PCDHGA10: variants seen among roughly 807,000 people sequenced by gnomAD.
PCDHGA10 encodes the protein protocadherin gamma subfamily A, 10.
In PCDHGA10, 42 loss-of-function variants were observed where a neutral mutation model predicts 59.5. The observed-to-expected ratio is 0.71, with a 90% CI of 0.55 to 0.91. The LOEUF (loss-of-function observed/expected upper bound fraction) is 0.91, where lower values mean the gene tolerates loss of function less well. Ranked by LOEUF, PCDHGA10 falls within the 40% of genes least tolerant of loss-of-function variation. The probability of loss-of-function intolerance (pLI) is 0.00; values close to 1 mark genes in which losing one functional copy is unlikely to be tolerated. For synonymous variants in PCDHGA10, 511 were observed against 517.2 expected (o/e 0.99, Z 0.16); for missense variants, 1,111 against 1,198.2 (o/e 0.93, Z 1.07).
At chr5:141,423,140 C>T (rs760216287) in intron 1 of PCDHGA10, 7 of 1,613,498 alleles carry the variant, frequency 4.3e-6, no homozygotes, top group Non-Finnish European at 2.5e-6. Flanking sequence ...GACAGAGACG[C>T]GCTCAAGCAG....
chr5:141,456,678 T>C (rs2098875796), intron 1 of PCDHGA10, among the ~76,000 whole-genome samples: 1 of 152,152 alleles, frequency 6.6e-6, no homozygotes, highest in South Asian at 2.1e-4. Flanking sequence ...TAAAAATGCA[T>C]TACTGGCCAG....
intron 1 of PCDHGA10, chr5:141,468,586 G>C (rs1232477889): frequency 1.3e-5 from 2 of 152,176 alleles, no homozygotes; most frequent in East Asian, 1.9e-4. Context: ...GGTACTAAAG[G>C]CTGGGCGCGG....
chr5:141,431,216 C>A lies in PCDHGA10; in HGVS notation c.2436+15605C>A. On this transcript the variant is annotated intron_variant, in intron 1 of 3. Coordinates refer to ENST00000398610, the MANE Select transcript of PCDHGA10 (RefSeq NM_018913.3). The surrounding 1 kb of genome is among the most constrained non-coding windows in gnomAD (Gnocchi z 4.8). ...AAATGCAGCCACTGAGATGCGGTTC[C>A]CTCTACCCCACGCCTGGGATCCGGA... The A allele has an allele frequency of 6.2e-7, 1 of 1,614,162 alleles. No homozygotes were observed. The highest frequency in any genetic ancestry group is 8.5e-7 in the Non-Finnish European group (1 of 1,180,048).
At chr5:141,482,768 CTGA>C (rs2099572195) in intron 1 of PCDHGA10, among the ~76,000 whole-genome samples, 1 of 126,868 alleles carries the variant, frequency 7.9e-6, no homozygotes, top group Admixed American at 7.7e-5. Flanking sequence ...TTCATTATCA[CTGA>C]ACCTTAAACT....
rs905837179 is a variant in PCDHGA10 at position 141,478,541 on chromosome 5, G to A, written c.2437-16266G>A. ...GTTGGGTGCAGAGAGCGCCCCTCCCGGACAGGTAAGGTTTAGCAAGTCATG... is the reference window on the plus strand; with the variant it reads ...GTTGGGTGCAGAGAGCGCCCCTCCCAGACAGGTAAGGTTTAGCAAGTCATG... On this transcript the variant is annotated intron_variant, in intron 1 of 3. Coordinates refer to ENST00000398610, the MANE Select transcript of PCDHGA10 (RefSeq NM_018913.3). 4 of 1,605,470 alleles carry A rather than the reference G, an allele frequency of 2.5e-6. No homozygotes were observed. The Admixed American group carries it at 5.2e-5, about 21-fold the overall frequency.
Position 141,476,242 on chromosome 5 carries a change from G to T in PCDHGA10, c.2437-18565G>T. ...ACTATGAGATCCCGGAGGAAAGAGA[G>T]AAGGGTTTCGCTGTGGGCAACGTGG... is the stretch of plus-strand genomic sequence containing the variant. On this transcript the variant is annotated intron_variant, in intron 1 of 3. Coordinates refer to ENST00000398610, the MANE Select transcript of PCDHGA10 (RefSeq NM_018913.3). The surrounding 1 kb of genome is among the most constrained non-coding windows in gnomAD (Gnocchi z 7.6). 6.2e-7 allele frequency: 1 copy of T among 1,614,100 alleles called. No individual in the cohort carries two copies.
chr5:141,476,230 G>A lies in PCDHGA10; in HGVS notation c.2437-18577G>A, dbSNP rs906283645. On this transcript the variant is annotated intron_variant, in intron 1 of 3. Coordinates refer to ENST00000398610, the MANE Select transcript of PCDHGA10 (RefSeq NM_018913.3). This position sits in a 1 kb window ranked among gnomAD's most constrained non-coding sequence, Gnocchi z 7.6. Reference sequence around the variant, plus strand: ...CCACGGTCATTCACTATGAGATCCCGGAGGAAAGAGAGAAGGGTTTCGCTG... The same window carrying A: ...CCACGGTCATTCACTATGAGATCCCAGAGGAAAGAGAGAAGGGTTTCGCTG... The A allele has an allele frequency of 1.2e-6, 2 of 1,614,040 alleles. No homozygotes were observed. Among genetic ancestry groups the A allele is most frequent in the Non-Finnish European group, 1.7e-6 (2 of 1,180,024 alleles).
At chr5:141,441,920 A>G (rs1276085080) in intron 1 of PCDHGA10, 8 of 352,988 alleles carry the variant, frequency 2.3e-5, no homozygotes, top group East Asian at 8.9e-5. Context: ...GTGAGACACA[A>G]TGCGTGGCTG....
intron 2 of PCDHGA10, among the ~76,000 whole-genome samples, chr5:141,501,988 T>C (rs2099812189): frequency 6.6e-6 from 1 of 152,056 alleles, no homozygotes; most frequent in Non-Finnish European, 1.5e-5. Flanking sequence ...GGTCCCGTTG[T>C]CTCCCTGACA....
chr5:141,490,476 G>A lies in PCDHGA10; in HGVS notation c.2437-4331G>A. 1 of 1,614,208 alleles carries A rather than the reference G, an allele frequency of 6.2e-7. No homozygotes were observed. The highest frequency in any genetic ancestry group is 8.5e-7 in the Non-Finnish European group (1 of 1,180,046). On this transcript the variant is annotated intron_variant, in intron 1 of 3. Transcript: ENST00000398610. The surrounding 1 kb of genome is among the most constrained non-coding windows in gnomAD (Gnocchi z 5.4). ...ACTCGCTGCTAACCAGCCAGCCTTT[G>A]GACCGGGAGGCCACATCCCACTATA...
chr5:141,425,742 A>T (rs1315830227), intron 1 of PCDHGA10, among the ~76,000 whole-genome samples: 1 of 152,246 alleles, frequency 6.6e-6, no homozygotes, highest in Non-Finnish European at 1.5e-5. Flanking sequence ...GTTTTCCCAC[A>T]AGGTTTTTGT....
Position 141,485,156 on chromosome 5 carries a change from A to G in PCDHGA10, c.2437-9651A>G. The G allele has an allele frequency of 6.3e-7, 1 of 1,599,118 alleles. No homozygotes were observed. The highest frequency in any genetic ancestry group is 8.6e-7 in the Non-Finnish European group (1 of 1,168,318). On this transcript the variant is annotated intron_variant, in intron 1 of 3. Transcript: ENST00000398610. The surrounding 1 kb of genome is among the most constrained non-coding windows in gnomAD (Gnocchi z 5.7). ...ATCCGCGTCTCAGGAGCAAGTAGAG[A>G]ATTAGCGGGCGGCAGCAATGCTCCG... is the stretch of plus-strand genomic sequence containing the variant.
intron 1 of PCDHGA10, among the ~76,000 whole-genome samples, chr5:141,446,381 T>C (rs1225260527): frequency 1.3e-5 from 2 of 152,248 alleles, no homozygotes; most frequent in Non-Finnish European, 2.9e-5. Flanking sequence ...TAAAGAATGA[T>C]AGATTTAAGA....
chr5:141,415,325 C>G lies in PCDHGA10; in HGVS notation c.2150C>G (p.Ala717Gly). The part of the protein sequence containing the change: ...VFLAFVIVLL[A>G]HRLRRWHKSR... ...CTGGCCTTCGTCATCGTGCTGCTGG[C>G]GCACAGGCTGCGGCGCTGGCACAAG... Residue 717 changes from alanine (A) to glycine (G), a missense_variant, in exon 1 of 4, where the codon GCG (alanine) becomes GGG (glycine). Coordinates refer to ENST00000398610, the MANE Select transcript of PCDHGA10 (RefSeq NM_018913.3). The G allele has an allele frequency of 6.2e-7, 1 of 1,614,212 alleles. No homozygotes were observed. Among genetic ancestry groups the G allele is most frequent in the Non-Finnish European group, 8.5e-7 (1 of 1,180,044 alleles).
At chr5:141,450,829 A>T (rs187691791) in intron 1 of PCDHGA10, among the ~76,000 whole-genome samples, 19,077 of 135,014 alleles carry the variant, frequency 0.14, 1,595 homozygotes, top group African/African-American at 0.24. Context: ...TATTATTATT[A>T]TTTTTTTTTT....
intron 1 of PCDHGA10, among the ~76,000 whole-genome samples, chr5:141,457,415 C>T (rs185690067): frequency 3.9e-4 from 60 of 152,300 alleles, no homozygotes; most frequent in African/African-American, 1.3e-3. Flanking sequence ...CATTACCCAT[C>T]CCTTTTTCCC....
Position 141,487,632 on chromosome 5 carries a change from C to G in PCDHGA10, c.2437-7175C>G, listed in dbSNP as rs374506603. The G allele has an allele frequency of 6.2e-7, 1 of 1,614,186 alleles. No homozygotes were observed. Among genetic ancestry groups the G allele is most frequent in the East Asian group, 2.2e-5 (1 of 44,888 alleles). On this transcript the variant is annotated intron_variant, in intron 1 of 3. Coordinates refer to ENST00000398610, the MANE Select transcript of PCDHGA10 (RefSeq NM_018913.3). The surrounding 1 kb of genome is among the most constrained non-coding windows in gnomAD (Gnocchi z 5.0). ...GGGCTAGAGGTGAGACCTTTGCAGG[C>G]TCAACAAATGCTTGAGGGTTATTCT... is the stretch of plus-strand genomic sequence containing the variant.
chr5:141,477,884 G>A lies in PCDHGA10; in HGVS notation c.2437-16923G>A. On this transcript the variant is annotated intron_variant, in intron 1 of 3. Transcript: ENST00000398610. The surrounding 1 kb of genome is among the most constrained non-coding windows in gnomAD (Gnocchi z 4.9). ...TCGAGGTACCTCAGCTGGCCACCTA[G>A]TGTCACGGGTGGTAGGCTGGGACGC... 6.2e-7 allele frequency: 1 copy of A among 1,614,190 alleles called. No homozygotes were observed. The highest frequency in any genetic ancestry group is 8.5e-7 in the Non-Finnish European group (1 of 1,180,036).
chr5:141,414,305 A>G lies in PCDHGA10; in HGVS notation c.1130A>G (p.Asp377Gly), dbSNP rs2095732833. ...GTCGTAGCCCTTTTAAATGTGCATGATTTAGACTCTGAGCAGAATGGACAG... is the reference window on the plus strand; with the variant it reads ...GTCGTAGCCCTTTTAAATGTGCATGGTTTAGACTCTGAGCAGAATGGACAG... ...GTVVALLNVH[D>G]LDSEQNGQVT... The change falls in exon 1 of 4, where the codon GAT becomes GGT. Residue 377 changes from aspartate (D) to glycine (G), a missense_variant. Physicochemically the swap from Asp to Gly is moderately conservative, Grantham distance 94. Transcript: ENST00000398610. The G allele has an allele frequency of 1.2e-6, 2 of 1,613,604 alleles. No individual in the cohort carries two copies. The highest frequency in any genetic ancestry group is 2.7e-5 in the African/African-American group (2 of 74,904).
Sources: allele counts gnomAD v4.1 joint callset (sites outside exome capture counted in the v4.1 genomes callset), GRCh38; gene constraint gnomAD v4.1.1; non-coding constraint Gnocchi (gnomAD v3.1); transcripts MANE v1.5; gene names NCBI Gene and HGNC (gene_info 2026-07-23, HGNC 2026-07-21).